The following KCNK10 variants were observed in gnomAD, a reference collection of about 807,000 sequenced individuals.
The protein encoded by KCNK10 is potassium channel subfamily K member 10.
A neutral mutation model predicts 47.7 loss-of-function variants in KCNK10; 25 were observed. That is an observed-to-expected ratio of 0.52 (90% confidence interval 0.38 to 0.73). The LOEUF (loss-of-function observed/expected upper bound fraction) is 0.73. KCNK10 is among the 30% of genes least tolerant of loss of function. The pLI is 0.00. For synonymous variants in KCNK10, 303 were observed against 285.6 expected (o/e 1.06, Z -0.61); for missense variants, 563 against 714.5 (o/e 0.79, Z 2.42).
At chr14:88,234,184 G>A (rs775923241) in intron 3 of KCNK10, among the ~76,000 whole-genome samples, 6 of 152,156 alleles carry the variant, frequency 3.9e-5, no homozygotes, top group East Asian at 1.9e-4. Flanking sequence ...TTTGTTGGAC[G>A]CTGTGAGTCT....
Position 88,322,779 on chromosome 14 carries a change from G to A in KCNK10, c.20C>T (p.Thr7Met), listed in dbSNP as rs752855185. ...ATCCCAGTTCACCTGTTTTCTTGGC[G>A]TCTCGATTGGAAATTTCATTGCTTC... Reference protein sequence around the residue: MKFPIETPRKQVNWDPK... With the variant: MKFPIEMPRKQVNWDPK... The change falls in exon 1 of 7, where the codon ACG becomes ATG. Residue 7 changes from threonine to methionine, a missense_variant. Coordinates refer to ENST00000319231, the MANE Select transcript of KCNK10 (RefSeq NM_138317.3). This position sits in a 1 kb window ranked among gnomAD's most constrained non-coding sequence, Gnocchi z 4.8. 5.0e-6 allele frequency: 8 copies of A among 1,614,144 alleles called. No individual in the cohort carries two copies. Among genetic ancestry groups the A allele is most frequent in the South Asian group, 3.3e-5 (3 of 91,072 alleles).
At chr14:88,225,843 T>C (rs1266417925) in intron 4 of KCNK10, among the ~76,000 whole-genome samples, 1 of 152,228 alleles carries the variant, frequency 6.6e-6, no homozygotes, top group Non-Finnish European at 1.5e-5. Context: ...AGGGCTGCTA[T>C]GTCTGGTTTA....
intron 4 of KCNK10, among the ~76,000 whole-genome samples, chr14:88,211,087 A>G (rs1353826040): frequency 6.6e-6 from 1 of 152,238 alleles, no homozygotes; most frequent in African/African-American, 2.4e-5. Flanking sequence ...ATAACAACCA[A>G]AAAGTGGAAA....
intron 3 of KCNK10, among the ~76,000 whole-genome samples, chr14:88,229,466 C>T (rs1433243573): frequency 1.4e-5 from 2 of 141,934 alleles, no homozygotes; most frequent in East Asian, 4.9e-4. Context: ...AGTACTGTAC[C>T]AATGCAAAGT....
At chr14:88,220,518 A>G (rs942410325) in intron 4 of KCNK10, among the ~76,000 whole-genome samples, 12 of 151,334 alleles carry the variant, frequency 7.9e-5, no homozygotes, top group South Asian at 2.1e-4. Context: ...CAAATAGGTC[A>G]ATGAACTAGA....
chr14:88,223,447 C>A (rs763915534), intron 4 of KCNK10, among the ~76,000 whole-genome samples: 4 of 151,796 alleles, frequency 2.6e-5, no homozygotes, highest in Non-Finnish European at 5.9e-5. Flanking sequence ...TTTAGGGTGA[C>A]ATAAATGGTG....
At chr14:88,261,772 GA>G (rs5810405) in intron 2 of KCNK10, among the ~76,000 whole-genome samples, 60,155 of 140,666 alleles carry the variant, frequency 0.43, 13,877 homozygotes, top group Middle Eastern at 0.53. Flanking sequence ...AAAAGAAAAA[GA>G]AAAAAAAAAA....
At chr14:88,229,291 C>A (rs1482153649) in intron 3 of KCNK10, among the ~76,000 whole-genome samples, 3 of 152,158 alleles carry the variant, frequency 2.0e-5, no homozygotes, top group African/African-American at 7.2e-5. Context: ...GGGTAAGGCA[C>A]TGTGGCTTAC....
At chr14:88,207,168 C>CT (rs55711197) in intron 4 of KCNK10, among the ~76,000 whole-genome samples, 8,211 of 107,652 alleles carry the variant, frequency 0.076, 692 homozygotes, top group East Asian at 0.25. Context: ...AGGTCACTCT[C>CT]TTTTTTTTTT....
chr14:88,282,945 T>C (rs1887682056), intron 1 of KCNK10, among the ~76,000 whole-genome samples: 1 of 152,192 alleles, frequency 6.6e-6, no homozygotes, highest in South Asian at 2.1e-4. Context: ...CAGACATACA[T>C]TGTACCCCTA....
At chr14:88,323,489 G>A (rs958343024), upstream of KCNK10, among the ~76,000 whole-genome samples, 2 of 148,914 alleles carry the variant, frequency 1.3e-5, no homozygotes, top group African/African-American at 4.9e-5. Flanking sequence ...GCAGCGGACC[G>A]AGGCTCCCAG....
chr14:88,301,799 G>A (rs1043252690), intron 1 of KCNK10, among the ~76,000 whole-genome samples: 1 of 151,142 alleles, frequency 6.6e-6, no homozygotes, highest in Admixed American at 6.6e-5. Flanking sequence ...AGCACTCAGG[G>A]TGCTGCAGGC....
chr14:88,253,707 C>G (rs1488501888), intron 2 of KCNK10, among the ~76,000 whole-genome samples: 1 of 152,100 alleles, frequency 6.6e-6, no homozygotes, highest in Non-Finnish European at 1.5e-5. Flanking sequence ...TGAGACCAGT[C>G]TGGCCAACCT....
At chr14:88,224,060 G>C (rs973239742) in intron 4 of KCNK10, among the ~76,000 whole-genome samples, 1 of 151,360 alleles carries the variant, frequency 6.6e-6, no homozygotes, top group African/African-American at 2.4e-5. Flanking sequence ...TCTTATTTTA[G>C]TTTCATTTGG....
intron 1 of KCNK10, among the ~76,000 whole-genome samples, chr14:88,297,541 A>G (rs569483680): frequency 1.3e-5 from 2 of 152,308 alleles, no homozygotes; most frequent in East Asian, 3.9e-4. Context: ...GATAACAGAG[A>G]ATACAGATCC....
At chr14:88,245,591 AG>A (rs1886613753) in intron 2 of KCNK10, among the ~76,000 whole-genome samples, 1 of 152,206 alleles carries the variant, frequency 6.6e-6, no homozygotes, top group Non-Finnish European at 1.5e-5. Flanking sequence ...GATGACCCAC[AG>A]GGGACCACTA....
At position 88,183,294 on chromosome 14, in the gene KCNK10, G is replaced by A. The variant is rs1029997537; in HGVS notation, c.*2241C>T. The A allele has an allele frequency of 6.6e-6, 1 of 152,300 alleles. No homozygotes were observed. Among genetic ancestry groups the A allele is most frequent in the African/African-American group, 2.4e-5 (1 of 41,460 alleles). The allele number at this position is 152,300 out of a possible 1,614,324, so 9.4% of individuals were successfully genotyped here. On this transcript the variant is annotated 3_prime_UTR_variant, in exon 7 of 7. Transcript: ENST00000319231. Reference sequence around the variant, plus strand: ...TCATAAAGTGCCTAATCCTGTGCCTGGCCCACAGAAGGCACTGGATAAATG... The same window carrying A: ...TCATAAAGTGCCTAATCCTGTGCCTAGCCCACAGAAGGCACTGGATAAATG...
chr14:88,310,902 G>A (rs1225871840), intron 1 of KCNK10, among the ~76,000 whole-genome samples: 1 of 152,186 alleles, frequency 6.6e-6, no homozygotes, highest in Non-Finnish European at 1.5e-5. Flanking sequence ...AACAGAATAT[G>A]AGCGAGCGCA....
At chr14:88,241,285 C>T (rs574541710) in intron 2 of KCNK10, among the ~76,000 whole-genome samples, 1 of 152,320 alleles carries the variant, frequency 6.6e-6, no homozygotes, top group Non-Finnish European at 1.5e-5. Flanking sequence ...TGGCTGTGGC[C>T]GTTATTAACT....
Sources: allele counts gnomAD v4.1 joint callset (sites outside exome capture counted in the v4.1 genomes callset), GRCh38; gene constraint gnomAD v4.1.1; non-coding constraint Gnocchi (gnomAD v3.1); transcripts MANE v1.5; gene names NCBI Gene and HGNC (gene_info 2026-07-23, HGNC 2026-07-21).